NAV3: variants seen among roughly 807,000 people sequenced by gnomAD.
NAV3 encodes neuron navigator 3, also known as pore membrane and/or filament interacting like protein 1.
Under a neutral mutation model 244.7 loss-of-function variants are expected in NAV3, and 87 were observed. The observed-to-expected ratio is 0.36, with a 90% confidence interval of 0.30 to 0.42. The LOEUF is 0.42. Ranked by LOEUF, NAV3 falls within the 20% of genes least tolerant of loss-of-function variation. The pLI is 1.00. For synonymous variants in NAV3, 1,126 were observed against 1,042.2 expected (o/e 1.08, Z -1.55); for missense variants, 2,663 against 2,893.3 (o/e 0.92, Z 1.83).
At chr12:77,983,084 A>T (rs775976146) in intron 5 of NAV3, among the ~76,000 whole-genome samples, 1 of 152,218 alleles carries the variant, frequency 6.6e-6, no homozygotes, top group Non-Finnish European at 1.5e-5. Context: ...AGAAATAGGC[A>T]GAGGTCAGTT....
chr12:77,986,469 C>G (rs2731415), intron 5 of NAV3, among the ~76,000 whole-genome samples: 3 of 152,066 alleles, frequency 2.0e-5, no homozygotes, highest in African/African-American at 7.3e-5. Context: ...ACTTCCTCAG[C>G]TGAGATTTTT....
At chr12:77,953,155 C>T (rs367894903) in intron 3 of NAV3, among the ~76,000 whole-genome samples, 10 of 151,998 alleles carry the variant, frequency 6.6e-5, no homozygotes, top group Admixed American at 3.3e-4. Context: ...AAATATTAAA[C>T]GATGCTCATA....
chr12:78,177,007 T>C (rs563029473), intron 26 of NAV3, 134 bp from the exon 27 acceptor site: 19 of 780,386 alleles, frequency 2.4e-5, no homozygotes, highest in Non-Finnish European at 3.8e-5. Context: ...GATACTGTGC[T>C]GCAATTGTTA....
chr12:77,884,590 A>T lies in NAV3; in HGVS notation c.243+52886A>T, dbSNP rs79905403. Among the ~76,000 whole-genome samples the T allele has an allele frequency of 8.7e-3, 1,322 of 152,204 alleles. 14 individuals carry two copies. The highest frequency in any genetic ancestry group is 0.015 in the South Asian group (71 of 4,828). On this transcript the variant is annotated intron_variant, in intron 1 of 39. Coordinates refer to ENST00000397909, the MANE Select transcript of NAV3 (RefSeq NM_001024383.2). ...TCCCAGCTACAGCACAGAGAGAGCA[A>T]ATTTACCCTTCCTTTGCCTTTTGTG...
intron 1 of NAV3, among the ~76,000 whole-genome samples, chr12:77,905,006 A>G (rs1242965844): frequency 6.6e-6 from 1 of 152,148 alleles, no homozygotes; most frequent in Non-Finnish European, 1.5e-5. Flanking sequence ...CAATGCAGAA[A>G]TCAGTTATTC....
intron 12 of NAV3, among the ~76,000 whole-genome samples, chr12:78,063,207 T>C (rs535888874): frequency 9.2e-5 from 14 of 152,178 alleles, no homozygotes; most frequent in Non-Finnish European, 2.1e-4. Flanking sequence ...GCAGTTCATT[T>C]ACTTTCCATA....
chr12:77,952,350 G>T (rs1192555842), intron 3 of NAV3, among the ~76,000 whole-genome samples: 1 of 152,100 alleles, frequency 6.6e-6, no homozygotes, highest in Non-Finnish European at 1.5e-5. Flanking sequence ...TTGTTGAAAA[G>T]TTGATCTTTG....
intron 8 of NAV3, among the ~76,000 whole-genome samples, chr12:78,012,330 C>G (rs1676039930): frequency 6.6e-6 from 1 of 152,026 alleles, no homozygotes; most frequent in African/African-American, 2.4e-5. Context: ...ACTCTGGGCT[C>G]TTTGCAGTAA....
At chr12:77,932,167 C>T (rs1299793129) in intron 1 of NAV3, among the ~76,000 whole-genome samples, 3 of 152,236 alleles carry the variant, frequency 2.0e-5, no homozygotes, top group Non-Finnish European at 4.4e-5. Flanking sequence ...GGGGTCTCAA[C>T]ATAAGTATAT....
intron 2 of NAV3, among the ~76,000 whole-genome samples, chr12:77,777,454 T>C (rs1211278579): frequency 6.6e-6 from 1 of 152,180 alleles, no homozygotes; most frequent in Non-Finnish European, 1.5e-5. Flanking sequence ...GTATAGCATC[T>C]ACAGTGTGGA....
At chr12:78,146,473 G>A (rs1469930253) in intron 21 of NAV3, 81 bp downstream of exon 21, 2 of 528,534 alleles carry the variant, frequency 3.8e-6, no homozygotes, top group Non-Finnish European at 5.9e-6. Context: ...GACCACTAGA[G>A]GGCTCTGTGA....
Position 78,139,354 on chromosome 12 carries a change from T to G in NAV3, c.4631-928T>G, listed in dbSNP as rs373935968. The stretch of plus-strand genomic sequence containing the variant: ...ATATGTCCTTGTAGTACCCACCATA[T>G]TGATCTCAGTAGCAATCACAGTACT... On this transcript the variant is annotated intron_variant, in intron 19 of 39. Transcript: ENST00000397909. 2.6e-4 allele frequency among the ~76,000 whole-genome samples: 39 copies of G among 152,260 alleles called. No individual in the cohort carries two copies. In the South Asian group the frequency reaches 7.0e-3, roughly 28 times the overall value.
chr12:77,820,116 G>A (rs1167816333), intron 2 of NAV3, among the ~76,000 whole-genome samples: 2 of 149,434 alleles, frequency 1.3e-5, no homozygotes, highest in South Asian at 2.1e-4. Context: ...GTGTGCACAC[G>A]CACTATTCTG....
chr12:77,702,496 G>A (rs942525710), intron 2 of NAV3, among the ~76,000 whole-genome samples: 1 of 151,778 alleles, frequency 6.6e-6, no homozygotes, highest in Non-Finnish European at 1.5e-5. Context: ...TATTAGTTTT[G>A]TATTTGTCTT....
chr12:77,847,669 T>C (rs1876866660), intron 1 of NAV3, among the ~76,000 whole-genome samples: 1 of 152,248 alleles, frequency 6.6e-6, no homozygotes, highest in Non-Finnish European at 1.5e-5. Flanking sequence ...CAAACACCAC[T>C]ATTTTTCTTT....
rs541760588 is a variant in NAV3 at position 77,754,507 on chromosome 12, G to A, written c.72+182241G>A. Among the ~76,000 whole-genome samples the A allele has an allele frequency of 1.2e-3, 176 of 152,264 alleles. 1 individual carries two copies. The highest frequency in any genetic ancestry group is 4.0e-3 in the African/African-American group (168 of 41,548). ...TCCCTTTTCATGTTATCAATTCACA[G>A]CATAGAATTATAGTTCTCTATTTCT... On this transcript the variant is annotated intron_variant, in intron 2 of 8. Coordinates refer to the NAV3 transcript ENST00000550042.
chr12:77,903,706 C>A (rs1885597081), intron 1 of NAV3, among the ~76,000 whole-genome samples: 1 of 152,144 alleles, frequency 6.6e-6, no homozygotes, highest in African/African-American at 2.4e-5. Context: ...AGTGAAAAGG[C>A]AACCTACAGA....
Position 78,159,247 on chromosome 12 carries a change from T to G in NAV3, c.4830T>G (p.Thr1610=). The change falls in exon 23 of 40, where the codon ACT becomes ACG. Residue 1610 remains threonine, a synonymous_variant. Transcript: ENST00000397909. Reference sequence around the variant, plus strand: ...TTGAAAAGAGCTTAGGGAATATGACTGGCCGATTGCAAAGTCTAACTATGA... The same window carrying G: ...TTGAAAAGAGCTTAGGGAATATGACGGGCCGATTGCAAAGTCTAACTATGA... ...AAFEKSLGNM[T]GRLQSLTMTA... is the part of the protein sequence containing the mutation. 1 of 1,613,474 alleles carries G rather than the reference T, an allele frequency of 6.2e-7. No individual in the cohort carries two copies. Among genetic ancestry groups the G allele is most frequent in the Non-Finnish European group, 8.5e-7 (1 of 1,179,608 alleles).
At chr12:78,173,301 C>T (rs1958081825) in intron 24 of NAV3, among the ~76,000 whole-genome samples, 1 of 151,512 alleles carries the variant, frequency 6.6e-6, no homozygotes, top group Non-Finnish European at 1.5e-5. Flanking sequence ...TTGAAGGTAA[C>T]TGATACTTCC....
Sources: gnomAD v4.1 joint callset for allele counts (sites outside exome capture counted in the v4.1 genomes callset) on GRCh38, gnomAD v4.1.1 for gene constraint, MANE v1.5 for transcripts, NCBI Gene and HGNC (gene_info 2026-07-23, HGNC 2026-07-21) for gene names.